The following AZIN2 variants were observed in gnomAD, a reference collection of about 807,000 sequenced individuals.
AZIN2 encodes the protein antizyme inhibitor 2.
AZIN2 carries 28 observed loss-of-function variants against 47.8 expected under a neutral mutation model. The ratio of observed to expected loss-of-function variants is 0.59; its 90% confidence interval spans 0.43 to 0.80. The LOEUF (loss-of-function observed/expected upper bound fraction) is 0.80, where lower values mean the gene tolerates loss of function less well. Ranked by LOEUF, AZIN2 falls within the 30% of genes least tolerant of loss-of-function variation. AZIN2 has a pLI of 0.00. For missense variants in AZIN2, 535 were observed against 582.5 expected (o/e 0.92, Z 0.84); for synonymous variants, 221 against 239.4 (o/e 0.92, Z 0.71).
the AZIN2 span, among the ~76,000 whole-genome samples, chr1:33,130,891 G>A: frequency 6.6e-6 from 1 of 152,150 alleles, no homozygotes; most frequent in Non-Finnish European, 1.5e-5. Flanking sequence ...GATATGTCTG[G>A]AAAAAGAACA....
the AZIN2 span, among the ~76,000 whole-genome samples, chr1:33,139,413 C>T: frequency 6.6e-6 from 1 of 152,214 alleles, no homozygotes; most frequent in South Asian, 2.1e-4. Context: ...TTGAGATGCT[C>T]ATGCCTAGTG....
Position 33,110,940 on chromosome 1 carries a change from A to G in AZIN2, c.1030-6962A>G, listed in dbSNP as rs553184716. Among the ~76,000 whole-genome samples the G allele has an allele frequency of 1.2e-4, 18 of 152,372 alleles. No homozygotes were observed. In the East Asian group the frequency reaches 3.3e-3, roughly 28 times the overall value. On this transcript the variant is annotated intron_variant, in intron 10 of 11. Coordinates refer to ENST00000294517, the MANE Select transcript of AZIN2 (RefSeq NM_052998.4). ...GAAGAAGGCAGGAACTTAGAAACAC[A>G]GAGGAGGAGGGCTCCTCCCTCCAAG...
the AZIN2 span, among the ~76,000 whole-genome samples, chr1:33,139,455 G>A: frequency 2.0e-5 from 3 of 152,294 alleles, no homozygotes; most frequent in East Asian, 5.8e-4. Context: ...TTCTTGGAAA[G>A]CCCAGGGTCA....
rs16835244 is a variant in AZIN2 at position 33,096,815 on chromosome 1, G to T, written c.862G>T (p.Ala288Ser). ...CTACGTGACCTCGGCCTTCACTGTG[G>T]CAGTCAGCATCATTGCCAAGAAGGA... The part of the protein sequence containing the change: ...RYYVTSAFTV[A>S]VSIIAKKEVL... Residue 288 changes from alanine (A) to serine (S), a missense_variant, in exon 9 of 12, where the codon GCA becomes TCA. Transcript: ENST00000294517. 11,176 of 1,614,204 alleles carry T rather than the reference G, an allele frequency of 6.9e-3. 567 individuals carry two copies. The Admixed American group carries it at 0.099, about 14-fold the overall frequency.
intron 11 of AZIN2, 128 bp downstream of exon 11, chr1:33,118,244 G>C: frequency 9.6e-7 from 1 of 1,044,660 alleles, no homozygotes; most frequent in Non-Finnish European, 1.3e-6. Context: ...CTGGTCCCAC[G>C]TGAGGGATGT....
the AZIN2 span, chr1:33,146,978 T>C: frequency 3.2e-6 from 2 of 619,760 alleles, no homozygotes; most frequent in South Asian, 4.0e-5. Flanking sequence ...AGGTCAGAGC[T>C]ACAGAACATC....
chr1:33,147,341 A>AAGCTT, the AZIN2 span: 1 of 1,614,242 alleles, frequency 6.2e-7, no homozygotes, highest in East Asian at 2.2e-5. This position sits in a 1 kb window ranked among gnomAD's most constrained non-coding sequence, Gnocchi z 8.1. Flanking sequence ...CCTTGGTCAT[A>AAGCTT]GTCCAGGAAG....
chr1:33,121,432 A>G lies in AZIN2; in HGVS notation c.*1250A>G, dbSNP rs1301237549. Among the ~76,000 whole-genome samples, 1 of 152,056 alleles carries G rather than the reference A, an allele frequency of 6.6e-6. No individual in the cohort carries two copies. Among genetic ancestry groups the G allele is most frequent in the Admixed American group, 6.5e-5 (1 of 15,274 alleles). Reference sequence around the variant, plus strand: ...ACAAAAATTAGCCAGGTGTGGTGGTATGTGCCTGTAATTCCAGCTACTCAG... The same window carrying G: ...ACAAAAATTAGCCAGGTGTGGTGGTGTGTGCCTGTAATTCCAGCTACTCAG... On this transcript the variant is annotated 3_prime_UTR_variant, in exon 12 of 12. Coordinates refer to ENST00000294517, the MANE Select transcript of AZIN2 (RefSeq NM_052998.4).
At chr1:33,085,513 T>C (rs564062424) in intron 5 of AZIN2, among the ~76,000 whole-genome samples, 1 of 152,134 alleles carries the variant, frequency 6.6e-6, no homozygotes, top group Non-Finnish European at 1.5e-5. Context: ...CTTTGTGATA[T>C]TGTCATTAGC....
chr1:33,132,844 A>T, the AZIN2 span, among the ~76,000 whole-genome samples: 1 of 152,238 alleles, frequency 6.6e-6, no homozygotes, highest in South Asian at 2.1e-4. Context: ...GGTAGTGATG[A>T]GAATTCTGGG....
rs745840314 is a variant in AZIN2, at chr1:33,120,055, G to A, written c.1256G>A (p.Arg419Gln). The change falls in exon 12 of 12, where the codon CGA (arginine) becomes CAA (glutamine). Residue 419 changes from arginine to glutamine, a missense_variant. Physicochemically the swap from Arg to Gln is conservative, Grantham distance 43. Coordinates refer to ENST00000294517, the MANE Select transcript of AZIN2 (RefSeq NM_052998.4). The part of the protein sequence containing the change: ...AMSRVAWEAL[R>Q]RQLMAAEQED... ...TCTCTCACCCCTAGGGAAGCGCTGCGAAGGCAGCTGATGGCTGCAGAACAG... is the reference window on the plus strand; with the variant it reads ...TCTCTCACCCCTAGGGAAGCGCTGCAAAGGCAGCTGATGGCTGCAGAACAG... 2.0e-5 allele frequency: 33 copies of A among 1,613,814 alleles called. No individual in the cohort carries two copies. Among genetic ancestry groups the A allele is most frequent in the East Asian group, 8.9e-5 (4 of 44,888 alleles).
At chr1:33,103,151 G>A (rs991009686) in intron 10 of AZIN2, among the ~76,000 whole-genome samples, 2 of 151,908 alleles carry the variant, frequency 1.3e-5, no homozygotes, top group Admixed American at 6.6e-5. Flanking sequence ...CATTTTCCAC[G>A]CTGCAGACAG....
At chr1:33,160,701 G>A in the AZIN2 span, among the ~76,000 whole-genome samples, 11 of 152,240 alleles carry the variant, frequency 7.2e-5, no homozygotes, top group South Asian at 2.1e-4. Context: ...CATCGTGCCC[G>A]GCTGAAGTCT....
chr1:33,147,818 G>T, the AZIN2 span: 257 of 1,436,980 alleles, frequency 1.8e-4, no homozygotes, highest in African/African-American at 3.2e-3. This position sits in a 1 kb window ranked among gnomAD's most constrained non-coding sequence, Gnocchi z 8.1. Context: ...GTTCTGGTTG[G>T]TACGCAGGAG....
At chr1:33,143,985 G>C in the AZIN2 span, among the ~76,000 whole-genome samples, 1 of 152,212 alleles carries the variant, frequency 6.6e-6, no homozygotes, top group Non-Finnish European at 1.5e-5. Flanking sequence ...GAGTCACTAC[G>C]TTCCTTAAAA....
At chr1:33,157,018 C>G in the AZIN2 span, among the ~76,000 whole-genome samples, 241 of 151,378 alleles carry the variant, frequency 1.6e-3, 7 homozygotes, top group East Asian at 0.041. Context: ...CATTTCCCAG[C>G]CCCCATCCTT....
the AZIN2 span, among the ~76,000 whole-genome samples, chr1:33,140,309 G>C: frequency 6.6e-6 from 1 of 152,208 alleles, no homozygotes; most frequent in African/African-American, 2.4e-5. The surrounding 1 kb of genome is among the most constrained non-coding windows in gnomAD (Gnocchi z 4.0). Context: ...CTGGTGAGAG[G>C]CACAAACCTC....
At chr1:33,087,958 T>C (rs1453337116) in intron 5 of AZIN2, among the ~76,000 whole-genome samples, 3 of 152,106 alleles carry the variant, frequency 2.0e-5, no homozygotes, top group African/African-American at 7.2e-5. Context: ...TTGCTCTCCA[T>C]CCCTTGGAAA....
intron 5 of AZIN2, among the ~76,000 whole-genome samples, chr1:33,085,480 G>A (rs1641785929): frequency 6.6e-6 from 1 of 152,078 alleles, no homozygotes; most frequent in Admixed American, 6.6e-5. Flanking sequence ...GCCCTGAGGT[G>A]GGAGCAAGTC....
Sources: allele counts gnomAD v4.1 joint callset (sites outside exome capture counted in the v4.1 genomes callset), GRCh38; gene constraint gnomAD v4.1.1; non-coding constraint Gnocchi (gnomAD v3.1); transcripts MANE v1.5; gene names NCBI Gene and HGNC (gene_info 2026-07-23, HGNC 2026-07-21).